Variants in DNM1L observed in about 807,000 individuals in gnomAD.
DNM1L encodes dynamin-1-like protein.
In DNM1L, 33 loss-of-function variants were observed where a neutral mutation model predicts 92.8. The observed-to-expected ratio is 0.36, with a 90% CI of 0.27 to 0.48. The LOEUF is 0.48. DNM1L is among the 20% of genes least tolerant of loss of function. The pLI, the probability that DNM1L is intolerant of heterozygous loss-of-function variation, is 0.99. For missense variants in DNM1L, 485 were observed against 888.8 expected, an observed-to-expected ratio of 0.55 and a Z score of 5.78; for synonymous variants, 284 against 305.0, an observed-to-expected ratio of 0.93 and a Z score of 0.72.
intron 1 of DNM1L, among the ~76,000 whole-genome samples, chr12:32,689,082 A>G (rs1420208552): frequency 6.6e-6 from 1 of 152,204 alleles, no homozygotes; most frequent in African/African-American, 2.4e-5. Flanking sequence ...CTTAAGAACA[A>G]AAAACACCCC....
intron 2 of DNM1L, among the ~76,000 whole-genome samples, chr12:32,702,405 T>C (rs1036963934): frequency 6.6e-6 from 1 of 152,174 alleles, no homozygotes; most frequent in African/African-American, 2.4e-5. Flanking sequence ...TTTGAAATGT[T>C]GAATGAGAGT....
chr12:32,706,121 G>A, intron 2 of DNM1L: 1 of 367,838 alleles, frequency 2.7e-6, no homozygotes. Flanking sequence ...AATATAATAA[G>A]ATAAATTAGA....
intron 1 of DNM1L, 133 bp downstream of exon 1, chr12:32,679,598 C>T (rs1951724274): frequency 2.8e-6 from 4 of 1,430,252 alleles, no homozygotes; most frequent in Non-Finnish European, 3.7e-6. Flanking sequence ...GAGGGCCTTG[C>T]TGGGGGCCCC....
At position 32,730,955 on chromosome 12, in the gene DNM1L, A is replaced by G. The variant is rs116168784; in HGVS notation, c.1080-59A>G. On this transcript the variant is annotated intron_variant, in intron 9 of 19. Coordinates refer to ENST00000549701, the MANE Select transcript of DNM1L (RefSeq NM_012062.5). ...CTTAAAGCTTCTAGAAAGACTTCTA[A>G]CTTGTATCTTCTTTCCCTTTTTGCA... 3,249 of 1,610,076 alleles carry G rather than the reference A, an allele frequency of 2.0e-3. 66 individuals carry two copies. In the African/African-American group the frequency reaches 0.035, roughly 17 times the overall value.
chr12:32,702,369 T>C (rs1436464884), intron 2 of DNM1L, among the ~76,000 whole-genome samples: 2 of 152,158 alleles, frequency 1.3e-5, no homozygotes, highest in Non-Finnish European at 1.5e-5. Context: ...ATGTATCCTA[T>C]GTTAATTATA....
chr12:32,707,052 C>CA lies in DNM1L; in HGVS notation c.251-308dup, dbSNP rs994511597. The CA allele has an allele frequency of 2.3e-5, 6 of 259,900 alleles. No homozygotes were observed. In the East Asian group the frequency reaches 2.6e-4, roughly 11 times the overall value. The allele number at this position is 259,900 out of a possible 1,614,324, so 16.1% of individuals were successfully genotyped here. A position where few individuals can be genotyped will look rare whatever the true frequency, so the allele number is the denominator to read the frequency against. ...TTCCTTTTACTGTAATATAACTACACAAAAAAATATGAAGAGAAATAAACA... is the reference window on the plus strand; with the variant it reads ...TTCCTTTTACTGTAATATAACTACACAAAAAAAATATGAAGAGAAATAAACA... On this transcript the variant is annotated intron_variant, in intron 2 of 19. Coordinates refer to ENST00000549701, the MANE Select transcript of DNM1L (RefSeq NM_012062.5).
chr12:32,680,075 C>A, intron 1 of DNM1L: 1 of 909,236 alleles, frequency 1.1e-6, no homozygotes, highest in South Asian at 5.1e-5. Flanking sequence ...AAAAACAAAA[C>A]GTGTATCTAG....
chr12:32,679,696 G>A (rs1951729809), intron 1 of DNM1L: 1 of 1,233,128 alleles, frequency 8.1e-7, no homozygotes, highest in South Asian at 2.7e-5. Context: ...GGGCGGAGCC[G>A]GCGCGGCGGG....
At chr12:32,694,527 A>G (rs1952359364) in intron 1 of DNM1L, among the ~76,000 whole-genome samples, 1 of 152,258 alleles carries the variant, frequency 6.6e-6, no homozygotes, top group African/African-American at 2.4e-5. Context: ...TGACTGAAGT[A>G]TAAAATAACT....
intron 1 of DNM1L, among the ~76,000 whole-genome samples, chr12:32,698,529 T>G (rs116895013): frequency 0.033 from 4,982 of 152,318 alleles, 154 homozygotes; most frequent in Admixed American, 0.084. Context: ...ATAGTCCTTA[T>G]GTAAATAAAC....
chr12:32,679,549 A>G, intron 1 of DNM1L, 84 bp downstream of exon 1: 1 of 1,452,040 alleles, frequency 6.9e-7, no homozygotes, highest in Non-Finnish European at 9.3e-7. Flanking sequence ...CTCCCGCGCC[A>G]GCGCCCACTC....
chr12:32,730,132 G>A (rs369392797), intron 9 of DNM1L, among the ~76,000 whole-genome samples: 11 of 151,168 alleles, frequency 7.3e-5, no homozygotes, highest in African/African-American at 1.7e-4. Context: ...TTGGGAGGCC[G>A]AGGTGGGCAG....
chr12:32,704,630 AT>A lies in DNM1L; in HGVS notation c.251-2734del, dbSNP rs377141917. On this transcript the variant is annotated intron_variant, in intron 2 of 19. Coordinates refer to ENST00000549701, the MANE Select transcript of DNM1L (RefSeq NM_012062.5). ...TGGTATAATTTGAAATTTTACCCCCATTTCATTAAGTAACCTATTTGTAAAA... is the reference window on the plus strand; with the variant it reads ...TGGTATAATTTGAAATTTTACCCCCATTCATTAAGTAACCTATTTGTAAAA... 2.2e-3 allele frequency among the ~76,000 whole-genome samples: 342 copies of A among 152,208 alleles called. 4 individuals carry two copies. The highest frequency in any genetic ancestry group is 0.02 in the Middle Eastern group (6 of 294).
At chr12:32,699,246 A>G (rs568200162) in intron 1 of DNM1L, among the ~76,000 whole-genome samples, 137 of 152,340 alleles carry the variant, frequency 9.0e-4, no homozygotes, top group African/African-American at 3.1e-3. Flanking sequence ...GAATTATGTT[A>G]AGATATATGA....
Position 32,713,298 on chromosome 12 carries a change from C to A in DNM1L, c.546C>A (p.Leu182=). ...TCAGTAATCCTAATTCCATTATCCT[C>A]GCTGTCACTGCTGCTAATACAGATA... ...RFISNPNSII[L]AVTAANTDMA... Residue 182 remains leucine, a synonymous_variant, in exon 6 of 20, where the codon CTC becomes CTA. Transcript: ENST00000549701. 2 of 1,613,878 alleles carry A rather than the reference C, an allele frequency of 1.2e-6. No homozygotes were observed. The highest frequency in any genetic ancestry group is 1.7e-6 in the Non-Finnish European group (2 of 1,179,930).
At chr12:32,701,353 A>G in intron 1 of DNM1L, 62 bp from the exon 2 acceptor site, 1 of 1,432,948 alleles carries the variant, frequency 7.0e-7, no homozygotes, top group East Asian at 2.3e-5. Flanking sequence ...AATATAGTTT[A>G]TTGAATTAAC....
rs200531870 is a variant in DNM1L at position 32,737,375 on chromosome 12, GATTTAAGCATTT to G, written c.1596+228_1596+239del. 7.9e-3 allele frequency: 4,212 copies of G among 532,640 alleles called. 60 individuals are homozygous for G. The highest frequency in any genetic ancestry group is 0.031 in the African/African-American group (1,585 of 50,494). 33.0% of individuals were successfully genotyped at this position (532,640 alleles called of 1,614,324 possible). The stretch of plus-strand genomic sequence containing the variant: ...TCACTGACATAAATGCTTAAAAGTA[GATTTAAGCATTT>G]ATTTAAGCATTTAAGCATCAAGCTT... On this transcript the variant is annotated intron_variant, in intron 14 of 19. Transcript: ENST00000549701.
rs376738847 is a variant in DNM1L, at chr12:32,744,947, AC to A, written c.*1538del. The A allele has an allele frequency of 4.3e-3, 2,215 of 518,640 alleles. 29 individuals are homozygous for A. The highest frequency in any genetic ancestry group is 0.018 in the South Asian group (1,281 of 71,472). The allele number at this position is 518,640 out of a possible 1,614,324, so 32.1% of individuals were successfully genotyped here. On this transcript the variant is annotated 3_prime_UTR_variant, in exon 20 of 20. Coordinates refer to ENST00000549701, the MANE Select transcript of DNM1L (RefSeq NM_012062.5). ...ACAACACATTTATATTGCAGATATTACTTTTTTTTCAGTTTATGACCAGGTA... is the reference window on the plus strand; with the variant it reads ...ACAACACATTTATATTGCAGATATTATTTTTTTTCAGTTTATGACCAGGTA...
At chr12:32,719,175 TC>T (rs760330255) in intron 7 of DNM1L, among the ~76,000 whole-genome samples, 1 of 152,160 alleles carries the variant, frequency 6.6e-6, no homozygotes, top group Non-Finnish European at 1.5e-5. Context: ...TGTCTCGACT[TC>T]CTGGGCTCAA....
Sources: gnomAD v4.1 joint callset for allele counts (sites outside exome capture counted in the v4.1 genomes callset) on GRCh38, gnomAD v4.1.1 for gene constraint, MANE v1.5 for transcripts, NCBI Gene and HGNC (gene_info 2026-07-23, HGNC 2026-07-21) for gene names.